CEP85L: variants seen among roughly 807,000 people sequenced by gnomAD.
CEP85L encodes the protein centrosomal protein of 85 kDa-like.
A neutral mutation model predicts 100.3 loss-of-function variants in CEP85L; 60 were observed. The ratio of observed to expected loss-of-function variants is 0.60; its 90% CI spans 0.49 to 0.74. The LOEUF is 0.74. Among genes scored for constraint, CEP85L ranks in the 30% least tolerant of loss-of-function variants. The pLI is 0.00. For synonymous variants in CEP85L, 319 were observed against 322.7 expected, an observed-to-expected ratio of 0.99 and a Z score of 0.12; for missense variants, 973 against 936.2, an observed-to-expected ratio of 1.04 and a Z score of -0.51.
At chr6:118,612,498 C>CA (rs71012395) in intron 2 of CEP85L, among the ~76,000 whole-genome samples, 30,713 of 135,660 alleles carry the variant, frequency 0.23, 4,049 homozygotes, top group East Asian at 0.55. Context: ...ACTAAAAATA[C>CA]AAAAAAAAAA....
chr6:118,687,751 G>A (rs995681442), intron 1 of CEP85L, among the ~76,000 whole-genome samples: 3 of 152,058 alleles, frequency 2.0e-5, no homozygotes, highest in East Asian at 1.9e-4. Context: ...GCTTTTGCTC[G>A]CCGTCCACCA....
At chr6:118,528,403 T>C (rs576098936) in intron 3 of CEP85L, among the ~76,000 whole-genome samples, 1 of 152,260 alleles carries the variant, frequency 6.6e-6, no homozygotes, top group African/African-American at 2.4e-5. Flanking sequence ...TATGAGAATG[T>C]ATTATTCTGT....
intron 1 of CEP85L, among the ~76,000 whole-genome samples, chr6:118,677,271 G>A (rs1776513396): frequency 1.3e-5 from 2 of 152,136 alleles, no homozygotes; most frequent in Non-Finnish European, 2.9e-5. Flanking sequence ...AGTAAGGCAA[G>A]AAAGCTAGAC....
chr6:118,503,405 C>T (rs1444329377), intron 5 of CEP85L, among the ~76,000 whole-genome samples: 1 of 152,112 alleles, frequency 6.6e-6, no homozygotes, highest in African/African-American at 2.4e-5. Context: ...CAACCAAAAT[C>T]CTAGCTTATT....
At chr6:118,632,397 T>G in intron 2 of CEP85L, 56 bp downstream of exon 2, 1 of 1,364,808 alleles carries the variant, frequency 7.3e-7, no homozygotes, top group South Asian at 1.5e-5. Context: ...TGAAAATTCT[T>G]GTACCACAAC....
intron 3 of CEP85L, among the ~76,000 whole-genome samples, chr6:118,551,330 AC>A (rs1184177467): frequency 6.6e-6 from 1 of 151,716 alleles, no homozygotes; most frequent in Non-Finnish European, 1.5e-5. Flanking sequence ...CAACCCCCGC[AC>A]AAAAAAAAAG....
At chr6:118,600,370 TAA>T (rs1369997406) in intron 2 of CEP85L, among the ~76,000 whole-genome samples, 1,291 of 86,438 alleles carry the variant, frequency 0.015, 58 homozygotes, top group African/African-American at 0.022. Context: ...TGTGTGTGTG[TAA>T]CGCCATGGAG....
At chr6:118,589,247 A>C in intron 2 of CEP85L, 1 of 225,876 alleles carries the variant, frequency 4.4e-6, no homozygotes, top group South Asian at 8.3e-5. Context: ...GACCATGACT[A>C]AACTAGGTCT....
chr6:118,531,282 C>A (rs1481932302), intron 3 of CEP85L, among the ~76,000 whole-genome samples: 1 of 152,034 alleles, frequency 6.6e-6, no homozygotes, highest in Non-Finnish European at 1.5e-5. Flanking sequence ...GTTCAATAAA[C>A]AATGCTGGAA....
chr6:118,701,994 G>A (rs1777425401), intron 1 of CEP85L, among the ~76,000 whole-genome samples: 1 of 152,174 alleles, frequency 6.6e-6, no homozygotes, highest in African/African-American at 2.4e-5. Flanking sequence ...CATCCAGTAG[G>A]CAGAGAAGAA....
chr6:118,565,657 T>A lies in CEP85L; in HGVS notation c.892A>T (p.Met298Leu). 1 of 1,614,204 alleles carries A rather than the reference T, an allele frequency of 6.2e-7. No individual in the cohort carries two copies. Among genetic ancestry groups the A allele is most frequent in the Non-Finnish European group, 8.5e-7 (1 of 1,180,030 alleles). Residue 298 changes from methionine to leucine, a missense_variant, in exon 3 of 13, where the codon ATG (methionine) becomes TTG (leucine). This residue lies in a region of CEP85L where 890 missense variants were observed against 844.5 expected (regional missense o/e 1.05). Coordinates refer to ENST00000368491, the MANE Select transcript of CEP85L (RefSeq NM_001042475.3). ...VPIQPSVRTQ[M>L]WLTEQLRTNP... Reference sequence around the variant, plus strand: ...GTCCGCAGCTGCTCTGTAAGCCACATCTGAGTCCTTACGGAAGGCTGAATG... The same window carrying A: ...GTCCGCAGCTGCTCTGTAAGCCACAACTGAGTCCTTACGGAAGGCTGAATG...
intron 1 of CEP85L, among the ~76,000 whole-genome samples, chr6:118,636,691 G>A (rs1038660036): frequency 6.6e-6 from 1 of 152,196 alleles, no homozygotes; most frequent in Non-Finnish European, 1.5e-5. Flanking sequence ...CCCCTAAGCA[G>A]AAGAGAATTC....
intron 1 of CEP85L, among the ~76,000 whole-genome samples, chr6:118,639,773 A>G (rs1266467563): frequency 6.6e-6 from 1 of 152,232 alleles, no homozygotes; most frequent in Admixed American, 6.5e-5. Flanking sequence ...TGTAGTCATT[A>G]TAACCACTGG....
At chr6:118,595,497 T>C (rs887667777) in intron 2 of CEP85L, among the ~76,000 whole-genome samples, 6 of 152,206 alleles carry the variant, frequency 3.9e-5, no homozygotes, top group African/African-American at 1.4e-4. Context: ...CTCTCCTCCA[T>C]GTTTATCTCC....
chr6:118,655,078 G>T (rs905367376), upstream of CEP85L, among the ~76,000 whole-genome samples: 4 of 152,118 alleles, frequency 2.6e-5, no homozygotes, highest in African/African-American at 9.7e-5. Flanking sequence ...AAATTTTTGG[G>T]AGCCAAGTTC....
intron 2 of CEP85L, among the ~76,000 whole-genome samples, chr6:118,589,861 T>A (rs1781080092): frequency 6.6e-6 from 1 of 152,234 alleles, no homozygotes; most frequent in South Asian, 2.1e-4. Flanking sequence ...CTGTTAGATA[T>A]TTGCATTTTT....
chr6:118,534,933 T>C (rs1343263690), intron 3 of CEP85L, among the ~76,000 whole-genome samples: 1 of 152,136 alleles, frequency 6.6e-6, no homozygotes, highest in Non-Finnish European at 1.5e-5. Flanking sequence ...GGCACAAGAA[T>C]GGCTTGAACC....
In CEP85L at chr6:118,520,479, T is replaced by C. The variant is rs867555068; in HGVS notation, c.1139+3323A>G. Among the ~76,000 whole-genome samples, 5 of 152,376 alleles carry C rather than the reference T, an allele frequency of 3.3e-5. No homozygotes were observed. The South Asian group carries it at 1.0e-3, about 32-fold the overall frequency. On this transcript the variant is annotated intron_variant, in intron 4 of 12. Transcript: ENST00000368491. ...GATATTTAGATACATGTATATAATG[T>C]ATAGTGATTAAATTAGAGCAATTAG...
At chr6:118,634,893 T>C (rs1774397423) in intron 1 of CEP85L, among the ~76,000 whole-genome samples, 1 of 152,114 alleles carries the variant, frequency 6.6e-6, no homozygotes, top group African/African-American at 2.4e-5. Flanking sequence ...GGACTATATG[T>C]AAATGAAAAA....
Sources: allele counts gnomAD v4.1 joint callset (sites outside exome capture counted in the v4.1 genomes callset), GRCh38; gene constraint gnomAD v4.1.1; regional missense constraint gnomAD v4.1.1; transcripts MANE v1.5; gene names NCBI Gene and HGNC (gene_info 2026-07-23, HGNC 2026-07-21).